Variants in MEF2A observed in about 807,000 individuals in gnomAD.
MEF2A encodes myocyte enhancer factor 2A.
MEF2A carries 28 observed loss-of-function variants against 55.8 expected under a neutral mutation model. That is an observed-to-expected ratio of 0.50 (90% CI 0.37 to 0.69). MEF2A has a LOEUF of 0.69. Ranked by LOEUF, MEF2A falls within the 30% of genes least tolerant of loss-of-function variation. The pLI is 0.00. For synonymous variants in MEF2A, 239 were observed against 227.1 expected (o/e 1.05, Z -0.47); for missense variants, 528 against 626.2 (o/e 0.84, Z 1.67).
intron 4 of MEF2A, among the ~76,000 whole-genome samples, chr15:99,668,567 A>G (rs2050239914): frequency 6.6e-6 from 1 of 152,234 alleles, no homozygotes; most frequent in South Asian, 2.1e-4. Context: ...AGTAATAGCT[A>G]TAGAGAGTAC....
chr15:99,567,684 T>TC (rs1265156644), intron 1 of MEF2A, among the ~76,000 whole-genome samples: 2 of 151,154 alleles, frequency 1.3e-5, no homozygotes, highest in African/African-American at 4.9e-5. Flanking sequence ...GAGCTCAGTC[T>TC]CCATTTCTTT....
At chr15:99,678,790 A>G (rs2052622946) in intron 7 of MEF2A, 2 of 623,064 alleles carry the variant, frequency 3.2e-6, no homozygotes, top group Non-Finnish European at 4.0e-6. Flanking sequence ...AAAATTGGAA[A>G]CTTTGTGAAT....
At chr15:99,644,562 C>T in intron 3 of MEF2A, among the ~76,000 whole-genome samples, 1 of 152,130 alleles carries the variant, frequency 6.6e-6, no homozygotes, top group Non-Finnish European at 1.5e-5. Flanking sequence ...TAAGTCTAGG[C>T]CAGTAGTTAA....
intron 11 of MEF2A, among the ~76,000 whole-genome samples, chr15:99,711,978 G>C (rs2058690118): frequency 6.6e-6 from 1 of 152,226 alleles, no homozygotes; most frequent in Non-Finnish European, 1.5e-5. Context: ...TAGAGGTGTT[G>C]CGAGGATGAG....
intron 4 of MEF2A, among the ~76,000 whole-genome samples, chr15:99,652,915 G>A (rs1422638707): frequency 1.3e-5 from 2 of 152,102 alleles, no homozygotes; most frequent in African/African-American, 2.4e-5. Flanking sequence ...GTGGTAACTG[G>A]CCCTATTGCT....
intron 1 of MEF2A, among the ~76,000 whole-genome samples, chr15:99,587,127 A>G (rs1967585061): frequency 6.6e-6 from 1 of 151,930 alleles, no homozygotes; most frequent in Admixed American, 6.6e-5. Flanking sequence ...TTACATAGGT[A>G]TACATATGCC....
At chr15:99,611,320 A>C (rs751406293) in intron 2 of MEF2A, among the ~76,000 whole-genome samples, 1 of 152,242 alleles carries the variant, frequency 6.6e-6, no homozygotes, top group Non-Finnish European at 1.5e-5. Flanking sequence ...AGTATCCAGA[A>C]TATATGAACT....
chr15:99,656,001 T>C (rs2047651451), intron 4 of MEF2A, among the ~76,000 whole-genome samples: 1 of 152,102 alleles, frequency 6.6e-6, no homozygotes, highest in Non-Finnish European at 1.5e-5. Flanking sequence ...TTCACAGTGC[T>C]CAGTAAAGAT....
intron 2 of MEF2A, among the ~76,000 whole-genome samples, chr15:99,618,206 T>A (rs560642227): frequency 3.9e-5 from 6 of 152,312 alleles, no homozygotes; most frequent in African/African-American, 1.4e-4. Context: ...ATGTTAGAGC[T>A]ATGTTACCCT....
intron 2 of MEF2A, among the ~76,000 whole-genome samples, chr15:99,612,211 C>T (rs373220928): frequency 6.6e-6 from 1 of 151,988 alleles, no homozygotes; most frequent in Non-Finnish European, 1.5e-5. Context: ...GTCAGGAGAT[C>T]GAGACTATCC....
At chr15:99,703,466 T>C in intron 9 of MEF2A, 81 bp downstream of exon 9, 1 of 1,415,708 alleles carries the variant, frequency 7.1e-7, no homozygotes, top group Non-Finnish European at 9.6e-7. Context: ...ATCTAACCAA[T>C]GTTCCCTTTG....
chr15:99,656,680 A>G (rs2047773285), intron 4 of MEF2A, among the ~76,000 whole-genome samples: 1 of 152,166 alleles, frequency 6.6e-6, no homozygotes, highest in Non-Finnish European at 1.5e-5. Context: ...ATTACCTTGT[A>G]TCTTTATAAA....
intron 7 of MEF2A, chr15:99,678,538 G>A (rs965157880): frequency 3.1e-5 from 16 of 510,196 alleles, no homozygotes; most frequent in Non-Finnish European, 3.8e-5. Flanking sequence ...TACCAATATT[G>A]TCATTTTCAA....
rs985588024 is a variant in MEF2A, at chr15:99,666,429, G to C, written c.259-4894G>C. The stretch of plus-strand genomic sequence containing the variant: ...ACGGAGCGGAACATCACACACTGGG[G>C]CTTGTCAGGGAGTGGGGGGCTAGTC... On this transcript the variant is annotated intron_variant, in intron 4 of 11. Coordinates refer to ENST00000557942, the MANE Select transcript of MEF2A (RefSeq NM_001319206.4). Among the ~76,000 whole-genome samples, 33 of 151,956 alleles carry C rather than the reference G, an allele frequency of 2.2e-4. No homozygotes were observed. In the Admixed American group the frequency reaches 2.2e-3, roughly 10 times the overall value.
Position 99,714,336 on chromosome 15 carries a change from G to A in MEF2A, c.*1565G>A, listed in dbSNP as rs954988357. ...TATTAGAGAAAATGGCAAAATAGTA[G>A]ATGAGCACAAAGGTTTTATAAGTGG... On this transcript the variant is annotated 3_prime_UTR_variant, in exon 12 of 12. Transcript: ENST00000557942. The A allele has an allele frequency of 6.6e-6, 1 of 152,220 alleles. No homozygotes were observed. The highest frequency in any genetic ancestry group is 1.5e-5 in the Non-Finnish European group (1 of 68,036). 9.4% of individuals were successfully genotyped at this position (152,220 alleles called of 1,614,324 possible).
At chr15:99,582,077 G>GA (rs944612574) in intron 1 of MEF2A, among the ~76,000 whole-genome samples, 4 of 151,164 alleles carry the variant, frequency 2.6e-5, no homozygotes, top group African/African-American at 7.3e-5. Context: ...TCAGGTAAAA[G>GA]AAAAAAAAGA....
chr15:99,594,409 C>T (rs1050400572), intron 1 of MEF2A, among the ~76,000 whole-genome samples: 1 of 151,800 alleles, frequency 6.6e-6, no homozygotes, highest in African/African-American at 2.4e-5. Flanking sequence ...CGTCTAGGAA[C>T]CTCCACGTGT....
intron 2 of MEF2A, among the ~76,000 whole-genome samples, chr15:99,619,625 A>T (rs1289951383): frequency 3.3e-5 from 5 of 152,238 alleles, no homozygotes; most frequent in Non-Finnish European, 7.3e-5. Context: ...AAATATTCAC[A>T]TCATAAATGT....
intron 3 of MEF2A, among the ~76,000 whole-genome samples, chr15:99,636,736 G>A (rs1190594024): frequency 6.6e-6 from 1 of 151,630 alleles, no homozygotes; most frequent in Non-Finnish European, 1.5e-5. Context: ...TTTGTGTCAC[G>A]TTTAAGAAAT....
Sources: gnomAD v4.1 joint callset for allele counts (sites outside exome capture counted in the v4.1 genomes callset) on GRCh38, gnomAD v4.1.1 for gene constraint, MANE v1.5 for transcripts, NCBI Gene and HGNC (gene_info 2026-07-23, HGNC 2026-07-21) for gene names.